Variants in MGLL observed in about 807,000 individuals in gnomAD.
MGLL encodes the protein lysophospholipase homolog.
A neutral mutation model predicts 29.1 loss-of-function variants in MGLL; 7 were observed. The ratio of observed to expected loss-of-function variants is 0.24; its 90% CI spans 0.14 to 0.45. The LOEUF (loss-of-function observed/expected upper bound fraction) is 0.45, where lower values mean the gene tolerates loss of function less well. Among genes scored for constraint, MGLL ranks in the 20% least tolerant of loss-of-function variants. MGLL has a pLI of 0.99. For missense variants in MGLL, 356 were observed against 413.6 expected (o/e 0.86, Z 1.21); for synonymous variants, 148 against 168.3 (o/e 0.88, Z 0.93).
chr3:127,760,518 A>G (rs1436080304), intron 3 of MGLL, among the ~76,000 whole-genome samples: 4 of 152,244 alleles, frequency 2.6e-5, no homozygotes, highest in Non-Finnish European at 5.9e-5. Context: ...GAGTCAGAGC[A>G]TCTTCTAGCA....
chr3:127,788,922 G>A (rs1222065689), intron 2 of MGLL, among the ~76,000 whole-genome samples: 1 of 152,200 alleles, frequency 6.6e-6, no homozygotes, highest in Admixed American at 6.5e-5. Flanking sequence ...CTGTGGGCTG[G>A]AACAGTCATG....
At chr3:127,750,409 T>C (rs547276387) in intron 3 of MGLL, among the ~76,000 whole-genome samples, 1 of 152,224 alleles carries the variant, frequency 6.6e-6, no homozygotes, top group South Asian at 2.1e-4. Context: ...ACATCTCCCG[T>C]CACGCTTCAA....
intron 6 of MGLL, 86 bp from the exon 7 acceptor site, chr3:127,695,276 G>T: frequency 7.3e-7 from 1 of 1,371,826 alleles, no homozygotes; most frequent in Non-Finnish European, 1.0e-6. Flanking sequence ...TTTTCCTTCT[G>T]CTCTGGCCTG....
chr3:127,806,634 T>TGGAA (rs1453718918), intron 2 of MGLL, among the ~76,000 whole-genome samples: 1 of 151,740 alleles, frequency 6.6e-6, no homozygotes, highest in Non-Finnish European at 1.5e-5. Flanking sequence ...GGTGGATAGA[T>TGGAA]GGAAGGATGA....
intron 3 of MGLL, among the ~76,000 whole-genome samples, chr3:127,726,867 C>T (rs760027377): frequency 1.7e-4 from 26 of 152,226 alleles, no homozygotes; most frequent in Admixed American, 3.3e-4. Context: ...GTGACATTCT[C>T]TTCAAAACTA....
chr3:127,818,144 TAG>T (rs1463163164), intron 2 of MGLL, among the ~76,000 whole-genome samples: 1 of 152,108 alleles, frequency 6.6e-6, no homozygotes, highest in East Asian at 1.9e-4. Flanking sequence ...GTATTTTTAG[TAG>T]AGAGGGAGTT....
chr3:127,751,929 G>A (rs151111564), intron 3 of MGLL, among the ~76,000 whole-genome samples: 6 of 152,282 alleles, frequency 3.9e-5, no homozygotes, highest in African/African-American at 7.2e-5. Context: ...GTGAAAAGCC[G>A]TGAATGATGC....
chr3:127,752,264 T>G (rs2076573477), intron 3 of MGLL, among the ~76,000 whole-genome samples: 1 of 152,058 alleles, frequency 6.6e-6, no homozygotes, highest in Non-Finnish European at 1.5e-5. Context: ...TCCCAGCTAA[T>G]TTTTTTGTAT....
intron 6 of MGLL, among the ~76,000 whole-genome samples, chr3:127,701,266 AAAC>A (rs1220605155): frequency 1.3e-5 from 2 of 151,630 alleles, no homozygotes; most frequent in African/African-American, 2.4e-5. Flanking sequence ...ACAACAAAAA[AAAC>A]AACGTCAATG....
intron 3 of MGLL, among the ~76,000 whole-genome samples, chr3:127,764,979 G>A (rs1216140615): frequency 1.3e-5 from 2 of 152,160 alleles, no homozygotes; most frequent in Non-Finnish European, 2.9e-5. Flanking sequence ...CTTGCCCAGA[G>A]TCACATAGCA....
intron 3 of MGLL, among the ~76,000 whole-genome samples, chr3:127,751,435 C>A (rs1279743628): frequency 6.6e-6 from 1 of 151,616 alleles, no homozygotes; most frequent in Non-Finnish European, 1.5e-5. Context: ...ACCAGGTGAA[C>A]AAGCCCAAGC....
intron 5 of MGLL, among the ~76,000 whole-genome samples, chr3:127,720,649 C>G (rs2075900150): frequency 6.6e-6 from 1 of 152,244 alleles, no homozygotes; most frequent in Admixed American, 6.5e-5. Flanking sequence ...CGACTCCATA[C>G]TGCATGCAGT....
intron 3 of MGLL, among the ~76,000 whole-genome samples, chr3:127,779,296 G>A (rs2107706152): frequency 6.6e-6 from 1 of 152,260 alleles, no homozygotes; most frequent in African/African-American, 2.4e-5. Flanking sequence ...GAACCCGGGA[G>A]GCAGAGGTTG....
At chr3:127,804,488 C>T (rs2077531941) in intron 2 of MGLL, among the ~76,000 whole-genome samples, 1 of 152,168 alleles carries the variant, frequency 6.6e-6, no homozygotes, top group Non-Finnish European at 1.5e-5. Flanking sequence ...GCCTAAGTCC[C>T]CTGGGCCTCA....
At chr3:127,813,884 T>A (rs775895405) in intron 2 of MGLL, among the ~76,000 whole-genome samples, 1 of 152,178 alleles carries the variant, frequency 6.6e-6, no homozygotes, top group Non-Finnish European at 1.5e-5. Context: ...CAGCTGCTGA[T>A]CTCTAAAGAT....
At chr3:127,724,712 C>T (rs934337593) in intron 3 of MGLL, among the ~76,000 whole-genome samples, 1 of 152,152 alleles carries the variant, frequency 6.6e-6, no homozygotes, top group Non-Finnish European at 1.5e-5. Flanking sequence ...GCTGGCTGCA[C>T]ACAAACGCTG....
At chr3:127,702,773 C>T (rs1255647918) in intron 6 of MGLL, among the ~76,000 whole-genome samples, 1 of 152,218 alleles carries the variant, frequency 6.6e-6, no homozygotes, top group Admixed American at 6.5e-5. Context: ...TGGCTCACTG[C>T]AACCTCTGCC....
In MGLL at chr3:127,692,115, T is replaced by TTCAA; in HGVS notation, c.*82_*83insTTGA. 4 of 492,134 alleles carry TTCAA rather than the reference T, an allele frequency of 8.1e-6. No homozygotes were observed. The highest frequency in any genetic ancestry group is 3.8e-5 in the Admixed American group (1 of 26,656). The allele number at this position is 492,134 out of a possible 1,614,324, so 30.5% of individuals were successfully genotyped here. ...TCTGATTTTTTTTTTTTTTTTTTTT[T>TTCAA]GGCAAGCCATATCTGAGAAGCCATC... is the stretch of plus-strand genomic sequence containing the variant. On this transcript the variant is annotated 3_prime_UTR_variant, in exon 8 of 8. Coordinates refer to ENST00000265052, the MANE Select transcript of MGLL (RefSeq NM_007283.7).
At chr3:127,808,402 A>G (rs901505979) in intron 2 of MGLL, among the ~76,000 whole-genome samples, 2 of 152,214 alleles carry the variant, frequency 1.3e-5, no homozygotes, top group African/African-American at 2.4e-5. Flanking sequence ...TCTAGAGTCA[A>G]CTTCAGAGGA....
Sources: gnomAD v4.1 joint callset for allele counts (sites outside exome capture counted in the v4.1 genomes callset) on GRCh38, gnomAD v4.1.1 for gene constraint, MANE v1.5 for transcripts, NCBI Gene and HGNC (gene_info 2026-07-23, HGNC 2026-07-21) for gene names.